IQCH: variants seen among roughly 807,000 people sequenced by gnomAD.
IQCH encodes the protein IQ motif containing H, also known as IQ domain-containing protein H.
IQCH carries 98 observed loss-of-function variants against 117.0 expected under a neutral mutation model. The ratio of observed to expected loss-of-function variants is 0.84; its 90% CI spans 0.71 to 0.99. IQCH has a LOEUF of 0.99. Among genes scored for constraint, IQCH ranks in the 50% least tolerant of loss-of-function variants. IQCH has a pLI of 0.00. For synonymous variants in IQCH, 412 were observed against 448.2 expected, an observed-to-expected ratio of 0.92 and a Z score of 1.02; for missense variants, 1,102 against 1,243.8, an observed-to-expected ratio of 0.89 and a Z score of 1.72.
At chr15:67,361,872 T>A (rs1343988363) in intron 8 of IQCH, among the ~76,000 whole-genome samples, 1 of 152,234 alleles carries the variant, frequency 6.6e-6, no homozygotes, top group Non-Finnish European at 1.5e-5. Context: ...TTTGAGGTTG[T>A]TAAAATTGCC....
At position 67,443,990 on chromosome 15, in the gene IQCH, G is replaced by A. The variant is rs1460374076; in HGVS notation, c.2506-21137G>A. Among the ~76,000 whole-genome samples the A allele has an allele frequency of 6.6e-6, 1 of 152,208 alleles. No individual in the cohort carries two copies. The highest frequency in any genetic ancestry group is 1.5e-5 in the Non-Finnish European group (1 of 68,048). Reference sequence around the variant, plus strand: ...ATGTGGCAAATCCAGGGTTCAGACTGTGACTTATTTGGCTGCCAAGCCTGT... The same window carrying A: ...ATGTGGCAAATCCAGGGTTCAGACTATGACTTATTTGGCTGCCAAGCCTGT... On this transcript the variant is annotated intron_variant, in intron 16 of 20. Coordinates refer to ENST00000335894, the MANE Select transcript of IQCH (RefSeq NM_001031715.3). The surrounding 1 kb of genome is among the most constrained non-coding windows in gnomAD (Gnocchi z 5.0).
At chr15:67,296,399 T>A (rs6494644) in intron 4 of IQCH, among the ~76,000 whole-genome samples, 151,956 of 152,254 alleles carry the variant, frequency 1, 75,830 homozygotes, top group Non-Finnish European at 1. Flanking sequence ...TGAAAAGTCC[T>A]CAGAGCTGTT....
intron 4 of IQCH, among the ~76,000 whole-genome samples, chr15:67,298,925 A>C (rs1278741186): frequency 6.6e-6 from 1 of 152,132 alleles, no homozygotes; most frequent in African/African-American, 2.4e-5. Context: ...CCCATTTCCG[A>C]AAGAAAGGAA....
chr15:67,409,108 T>C (rs1294485353), intron 14 of IQCH, among the ~76,000 whole-genome samples: 1 of 152,082 alleles, frequency 6.6e-6, no homozygotes, highest in Non-Finnish European at 1.5e-5. Context: ...TAGCAGATGT[T>C]GAAGTAATTC....
Position 67,475,854 on chromosome 15 carries a change from G to T in IQCH, c.2799+36G>T. The T allele has an allele frequency of 6.3e-7, 1 of 1,591,956 alleles. No homozygotes were observed. The highest frequency in any genetic ancestry group is 2.2e-5 in the East Asian group (1 of 44,768). On this transcript the variant is annotated intron_variant, in intron 18 of 20. Transcript: ENST00000335894. This position sits in a 1 kb window ranked among gnomAD's most constrained non-coding sequence, Gnocchi z 5.7. ...TTACAGTTGGCCAGGGGCGGCCAAA[G>T]ACATGCCTGTGGGTGATCTAGGTAG... is the stretch of plus-strand genomic sequence containing the variant.
chr15:67,349,290 C>T (rs1969544533), intron 6 of IQCH, among the ~76,000 whole-genome samples: 1 of 152,110 alleles, frequency 6.6e-6, no homozygotes, highest in Non-Finnish European at 1.5e-5. Flanking sequence ...AACATTTATA[C>T]TCTTTGGAAC....
At position 67,384,551 on chromosome 15, in the gene IQCH, AC is replaced by A. The variant is rs1320145538; in HGVS notation, c.1373-383del. 6.6e-6 allele frequency among the ~76,000 whole-genome samples: 1 copy of A among 152,174 alleles called. No homozygotes were observed. Among genetic ancestry groups the A allele is most frequent in the Non-Finnish European group, 1.5e-5 (1 of 68,018 alleles). On this transcript the variant is annotated intron_variant, in intron 10 of 20. Coordinates refer to ENST00000335894, the MANE Select transcript of IQCH (RefSeq NM_001031715.3). The surrounding 1 kb of genome is among the most constrained non-coding windows in gnomAD (Gnocchi z 4.3). Reference sequence around the variant, plus strand: ...TGATTCTGGAACACATCTTCAAAATACCACATAAGAAGCTCACATTAAGAAG... The same window carrying A: ...TGATTCTGGAACACATCTTCAAAATACACATAAGAAGCTCACATTAAGAAG...
rs144064509 is a variant in IQCH at position 67,440,217 on chromosome 15, G to A, written c.2505+18640G>A. 2.3e-3 allele frequency among the ~76,000 whole-genome samples: 344 copies of A among 152,280 alleles called. 2 individuals carry two copies. Among genetic ancestry groups the A allele is most frequent in the African/African-American group, 8.0e-3 (333 of 41,572 alleles). On this transcript the variant is annotated intron_variant, in intron 16 of 20. Transcript: ENST00000335894. ...AACTATAACAAGCAAAGAGATTGAA[G>A]TGGTAATTTAAAAGTTACCAACCAA...
intron 6 of IQCH, among the ~76,000 whole-genome samples, chr15:67,354,569 G>A (rs1158643897): frequency 6.6e-6 from 1 of 151,622 alleles, no homozygotes; most frequent in Non-Finnish European, 1.5e-5. Flanking sequence ...GATGATCATT[G>A]TTGCCACCAT....
chr15:67,468,284 C>G (rs1447472544), intron 17 of IQCH, among the ~76,000 whole-genome samples: 1 of 152,160 alleles, frequency 6.6e-6, no homozygotes, highest in Non-Finnish European at 1.5e-5. Flanking sequence ...CACATTTTAG[C>G]AGCACATGAT....
intron 3 of IQCH, among the ~76,000 whole-genome samples, chr15:67,275,870 ATCT>A (rs1966101640): frequency 6.6e-6 from 1 of 152,198 alleles, no homozygotes; most frequent in Non-Finnish European, 1.5e-5. Flanking sequence ...ACAGAGTGAG[ATCT>A]TGTTTCAAAT....
chr15:67,294,385 A>G (rs1339975665), intron 4 of IQCH, among the ~76,000 whole-genome samples: 2 of 152,164 alleles, frequency 1.3e-5, no homozygotes, highest in Non-Finnish European at 2.9e-5. Flanking sequence ...GCGTTATATC[A>G]TAAGGAATAA....
At chr15:67,316,810 A>G (rs1567090816) in intron 4 of IQCH, among the ~76,000 whole-genome samples, 1 of 152,326 alleles carries the variant, frequency 6.6e-6, no homozygotes, top group African/African-American at 2.4e-5. Flanking sequence ...CGGACTTTCA[A>G]CGTAGCATTC....
At position 67,447,983 on chromosome 15, in the gene IQCH, T is replaced by C. The variant is rs1277437304; in HGVS notation, c.2506-17144T>C. On this transcript the variant is annotated intron_variant, in intron 16 of 20. Coordinates refer to ENST00000335894, the MANE Select transcript of IQCH (RefSeq NM_001031715.3). This position sits in a 1 kb window ranked among gnomAD's most constrained non-coding sequence, Gnocchi z 5.3. ...GCTTTCGTGTCTGTAGCAGGTATTTTCTACCCATACATGGCAAAGCTTTTT... is the reference window on the plus strand; with the variant it reads ...GCTTTCGTGTCTGTAGCAGGTATTTCCTACCCATACATGGCAAAGCTTTTT... Among the ~76,000 whole-genome samples, 1 of 152,218 alleles carries C rather than the reference T, an allele frequency of 6.6e-6. No individual in the cohort carries two copies. The highest frequency in any genetic ancestry group is 1.5e-5 in the Non-Finnish European group (1 of 68,036).
Position 67,395,832 on chromosome 15 carries a change from G to T in IQCH, c.1905+269G>T, listed in dbSNP as rs932781001. 6.6e-5 allele frequency among the ~76,000 whole-genome samples: 10 copies of T among 151,850 alleles called. No individual in the cohort carries two copies. The East Asian group carries it at 1.9e-3, about 29-fold the overall frequency. ...CACCTCCCAGTTTCTGTGACTTCCA[G>T]CTAATTTTTGTATTTTTAGTAGAGA... On this transcript the variant is annotated intron_variant, in intron 13 of 20. Transcript: ENST00000335894. This position sits in a 1 kb window ranked among gnomAD's most constrained non-coding sequence, Gnocchi z 4.0.
chr15:67,335,101 T>C (rs1264392869), intron 4 of IQCH, among the ~76,000 whole-genome samples: 1 of 152,028 alleles, frequency 6.6e-6, no homozygotes, highest in East Asian at 1.9e-4. Context: ...CACAGTCACC[T>C]CACTGCCTTT....
rs770446489 is a variant in IQCH at position 67,359,955 on chromosome 15, C to G, written c.753+70C>G. 1.4e-5 allele frequency: 17 copies of G among 1,256,384 alleles called. No individual in the cohort carries two copies. The highest frequency in any genetic ancestry group is 1.9e-5 in the Non-Finnish European group (16 of 855,384). The allele number at this position is 1,256,384 out of a possible 1,614,324, so 77.8% of individuals were successfully genotyped here. ...GATGTCCCTTCCTTTTGCTGCAGGG[C>G]AAGAGTATGGGTGACTGCTTGACAG... On this transcript the variant is annotated intron_variant, in intron 8 of 20. Coordinates refer to ENST00000335894, the MANE Select transcript of IQCH (RefSeq NM_001031715.3). This position sits in a 1 kb window ranked among gnomAD's most constrained non-coding sequence, Gnocchi z 4.5.
intron 19 of IQCH, among the ~76,000 whole-genome samples, chr15:67,492,820 G>A (rs2083698096): frequency 6.6e-6 from 1 of 152,200 alleles, no homozygotes; most frequent in Non-Finnish European, 1.5e-5. Flanking sequence ...AACCAGGCAA[G>A]AGGAAAACCA....
At chr15:67,282,088 T>A (rs1013449016) in intron 4 of IQCH, 1 of 160,492 alleles carries the variant, frequency 6.2e-6, no homozygotes, top group South Asian at 1.7e-4. Context: ...AGACAGACCA[T>A]CAATAAGATA....
Sources: gnomAD v4.1 joint callset for allele counts (sites outside exome capture counted in the v4.1 genomes callset) on GRCh38, gnomAD v4.1.1 for gene constraint, Gnocchi (gnomAD v3.1) non-coding constraint, MANE v1.5 for transcripts, NCBI Gene and HGNC (gene_info 2026-07-23, HGNC 2026-07-21) for gene names.